PCDHGC3: variants seen among roughly 807,000 people sequenced by gnomAD.
PCDHGC3 encodes the protein protocadherin gamma-C3.
Under a neutral mutation model 59.2 loss-of-function variants are expected in PCDHGC3, and 26 were observed. The ratio of observed to expected loss-of-function variants is 0.44; its 90% CI spans 0.32 to 0.61. The LOEUF (loss-of-function observed/expected upper bound fraction) is 0.61. PCDHGC3 is among the 20% of genes least tolerant of loss of function. PCDHGC3 has a pLI of 0.05. For missense variants in PCDHGC3, 1,080 were observed against 1,221.8 expected (o/e 0.88, Z 1.73); for synonymous variants, 487 against 519.7 (o/e 0.94, Z 0.86).
intron 1 of PCDHGC3, among the ~76,000 whole-genome samples, chr5:141,484,597 A>C (rs1345278081): frequency 1.3e-5 from 2 of 152,070 alleles, no homozygotes; most frequent in African/African-American, 4.8e-5. Flanking sequence ...CTCATTTAGA[A>C]TACTGGTTGA....
intron 3 of PCDHGC3, among the ~76,000 whole-genome samples, chr5:141,508,954 C>A (rs2154594435): frequency 6.6e-6 from 1 of 152,170 alleles, no homozygotes; most frequent in Admixed American, 6.5e-5. Context: ...AGAGAAATGT[C>A]AGCGGAATGA....
Position 141,476,974 on chromosome 5 carries a change from C to G in PCDHGC3, c.858C>G (p.His286Gln). 1 of 1,614,268 alleles carries G rather than the reference C, an allele frequency of 6.2e-7. No homozygotes were observed. The highest frequency in any genetic ancestry group is 1.3e-5 in the African/African-American group (1 of 75,080). Residue 286 changes from histidine to glutamine, a missense_variant, in exon 1 of 4, where the codon CAC (histidine) becomes CAG (glutamine). By Grantham distance (24) the His-to-Gln change is conservative. Coordinates refer to ENST00000308177, the MANE Select transcript of PCDHGC3 (RefSeq NM_002588.4). This position sits in a 1 kb window ranked among gnomAD's most constrained non-coding sequence, Gnocchi z 7.6. ...NGEIIYSFGS[H>Q]NRAGVRQLFA... ...AAATTATTTACTCCTTCGGCAGCCA[C>G]AACCGCGCCGGCGTGCGGCAACTAT...
At chr5:141,502,953 C>G (rs145774277) in intron 2 of PCDHGC3, among the ~76,000 whole-genome samples, 1,594 of 147,762 alleles carry the variant, frequency 0.011, 24 homozygotes, top group African/African-American at 0.037. Context: ...AAGCGATTCT[C>G]CTGCCTCAGC....
chr5:141,504,550 G>A (rs944574179), intron 2 of PCDHGC3, among the ~76,000 whole-genome samples: 2 of 151,586 alleles, frequency 1.3e-5, no homozygotes, highest in Non-Finnish European at 2.9e-5. Context: ...GCAAATGTTG[G>A]GGGACTGGCA....
rs1461280529 is a variant in PCDHGC3 at position 141,478,053 on chromosome 5, T to A, written c.1937T>A (p.Val646Asp). 2 of 1,614,010 alleles carry A rather than the reference T, an allele frequency of 1.2e-6. No homozygotes were observed. Among genetic ancestry groups the A allele is most frequent in the Non-Finnish European group, 1.7e-6 (2 of 1,180,034 alleles). Residue 646 changes from valine (V) to aspartate (D), a missense_variant, in exon 1 of 4, where the codon GTC becomes GAC. By Grantham distance (152) the Val-to-Asp change is radical. Transcript: ENST00000308177. ...GATTCACCCAGGCAGACTCTCACGG[T>A]CTTGATCAAAGACAATGGGGAGCCT... ...DTDSPRQTLT[V>D]LIKDNGEPSL...
In PCDHGC3 at chr5:141,490,959, C is replaced by T. The variant is rs1385897960; in HGVS notation, c.2431-3848C>T. ...TGCACCCACGGCCAGACTGGGAACA[C>T]TCAGCCCCCCAGCGTCTCCCTCGCT... On this transcript the variant is annotated intron_variant, in intron 1 of 3. Transcript: ENST00000308177. The surrounding 1 kb of genome is among the most constrained non-coding windows in gnomAD (Gnocchi z 5.4). 6.2e-7 allele frequency: 1 copy of T among 1,613,844 alleles called. No individual in the cohort carries two copies. Among genetic ancestry groups the T allele is most frequent in the South Asian group, 1.1e-5 (1 of 91,038 alleles).
At chr5:141,504,450 T>C (rs931613781) in intron 2 of PCDHGC3, among the ~76,000 whole-genome samples, 1 of 151,918 alleles carries the variant, frequency 6.6e-6, no homozygotes, top group Non-Finnish European at 1.5e-5. Context: ...ACTAGTGCCA[T>C]GTGGGGCAGC....
intron 3 of PCDHGC3, 85 bp from the exon 4 acceptor site, chr5:141,510,862 C>A: frequency 6.2e-7 from 1 of 1,606,772 alleles, no homozygotes. Context: ...GCTGTATAGG[C>A]ATTCATTAAC....
rs1259021130 is a variant in PCDHGC3 at position 141,485,083 on chromosome 5, G to C, written c.2430+6537G>C. ...GCGCCAGAGCTGGCGCGGGGAAAGG[G>C]AGATAGGTGTCTCCAGCTGCTGTGG... On this transcript the variant is annotated intron_variant, in intron 1 of 3. Coordinates refer to ENST00000308177, the MANE Select transcript of PCDHGC3 (RefSeq NM_002588.4). The surrounding 1 kb of genome is among the most constrained non-coding windows in gnomAD (Gnocchi z 5.7). The C allele has an allele frequency of 1.0e-6, 1 of 989,386 alleles. No homozygotes were observed. The highest frequency in any genetic ancestry group is 1.6e-5 in the African/African-American group (1 of 61,992). 61.3% of individuals were successfully genotyped at this position (989,386 alleles called of 1,614,324 possible).
Position 141,490,102 on chromosome 5 carries a change from G to A in PCDHGC3, c.2431-4705G>A, listed in dbSNP as rs377649214. On this transcript the variant is annotated intron_variant, in intron 1 of 3. Coordinates refer to ENST00000308177, the MANE Select transcript of PCDHGC3 (RefSeq NM_002588.4). The surrounding 1 kb of genome is among the most constrained non-coding windows in gnomAD (Gnocchi z 5.4). ...TTCTTTTGGAGACCACACATCTGAG[G>A]CAGTGCGGAACCTCTTTGGCCTAGA... 4.3e-6 allele frequency: 7 copies of A among 1,614,144 alleles called. No homozygotes were observed. The African/African-American group carries it at 9.3e-5, about 22-fold the overall frequency.
At position 141,505,908 on chromosome 5, in the gene PCDHGC3, T is replaced by C. The variant is rs114551975; in HGVS notation, c.2578+427T>C. On this transcript the variant is annotated intron_variant, in intron 3 of 3. Coordinates refer to ENST00000308177, the MANE Select transcript of PCDHGC3 (RefSeq NM_002588.4). ...TTAAATGAGATGATACCACAAAGCATAGAGTTCTGGGCCTGGCGCTTGGAA... is the reference window on the plus strand; with the variant it reads ...TTAAATGAGATGATACCACAAAGCACAGAGTTCTGGGCCTGGCGCTTGGAA... 4.0e-3 allele frequency among the ~76,000 whole-genome samples: 608 copies of C among 152,218 alleles called. 3 individuals are homozygous for C. The highest frequency in any genetic ancestry group is 0.013 in the African/African-American group (551 of 41,540).
rs751024373 is a variant in PCDHGC3, at chr5:141,491,801, G to T, written c.2431-3006G>T. 1 of 1,500,844 alleles carries T rather than the reference G, an allele frequency of 6.7e-7. No homozygotes were observed. Among genetic ancestry groups the T allele is most frequent in the Non-Finnish European group, 8.9e-7 (1 of 1,125,292 alleles). 93.0% of individuals were successfully genotyped at this position (1,500,844 alleles called of 1,614,324 possible). ...AACTTGCATCCACTCCTCTCCGGCCGGCTTGGTCGCTGGCTGCGCTCCACC... is the reference window on the plus strand; with the variant it reads ...AACTTGCATCCACTCCTCTCCGGCCTGCTTGGTCGCTGGCTGCGCTCCACC... On this transcript the variant is annotated intron_variant, in intron 1 of 3. Transcript: ENST00000308177. This position sits in a 1 kb window ranked among gnomAD's most constrained non-coding sequence, Gnocchi z 6.9.
Position 141,485,152 on chromosome 5 carries a change from A to C in PCDHGC3, c.2430+6606A>C. ...CTTCATCCGCGTCTCAGGAGCAAGT[A>C]GAGAATTAGCGGGCGGCAGCAATGC... On this transcript the variant is annotated intron_variant, in intron 1 of 3. Coordinates refer to ENST00000308177, the MANE Select transcript of PCDHGC3 (RefSeq NM_002588.4). The surrounding 1 kb of genome is among the most constrained non-coding windows in gnomAD (Gnocchi z 5.7). 8.8e-6 allele frequency: 14 copies of C among 1,586,038 alleles called. No individual in the cohort carries two copies. The highest frequency in any genetic ancestry group is 1.0e-5 in the Non-Finnish European group (12 of 1,157,128).
chr5:141,487,831 A>T lies in PCDHGC3; in HGVS notation c.2431-6976A>T. 2 of 1,144,322 alleles carry T rather than the reference A, an allele frequency of 1.7e-6. No individual in the cohort carries two copies. Among genetic ancestry groups the T allele is most frequent in the Non-Finnish European group, 2.4e-6 (2 of 818,294 alleles). 70.9% of individuals were successfully genotyped at this position (1,144,322 alleles called of 1,614,324 possible). ...TTAGCATTGGGGGCGGGTCATGCCT[A>T]TATCTGAGTAAGAAATGAAAGTAAT... On this transcript the variant is annotated intron_variant, in intron 1 of 3. Transcript: ENST00000308177. The surrounding 1 kb of genome is among the most constrained non-coding windows in gnomAD (Gnocchi z 5.0).
intron 1 of PCDHGC3, among the ~76,000 whole-genome samples, chr5:141,483,310 A>G (rs2099579870): frequency 6.6e-6 from 1 of 152,156 alleles, no homozygotes; most frequent in African/African-American, 2.4e-5. Context: ...GACTGGGGAC[A>G]TTGGGACTGG....
rs1224515106 is a variant in PCDHGC3 at position 141,491,453 on chromosome 5, C to T, written c.2431-3354C>T. On this transcript the variant is annotated intron_variant, in intron 1 of 3. Transcript: ENST00000308177. The surrounding 1 kb of genome is among the most constrained non-coding windows in gnomAD (Gnocchi z 6.9). ...TGCTGCAGGCGCCAGGACTCACCCT[C>T]CCCGGACTTCTATAAGCAGTCCAGC... The T allele has an allele frequency of 6.2e-6, 10 of 1,614,120 alleles. No homozygotes were observed. The highest frequency in any genetic ancestry group is 8.5e-6 in the Non-Finnish European group (10 of 1,180,028).
chr5:141,478,657 G>A, intron 1 of PCDHGC3, 111 bp downstream of exon 1: 2 of 1,551,912 alleles, frequency 1.3e-6, no homozygotes, highest in Non-Finnish European at 1.7e-6. Flanking sequence ...TCCTGGTGAT[G>A]CATTCACACT....
chr5:141,493,908 G>A lies in PCDHGC3; in HGVS notation c.2431-899G>A, dbSNP rs1308946115. ...CTAGGAGTGCTCCATGAGAGTGTGT[G>A]ATGGGATAACACACCCCCTGGAAAG... On this transcript the variant is annotated intron_variant, in intron 1 of 3. Transcript: ENST00000308177. This position sits in a 1 kb window ranked among gnomAD's most constrained non-coding sequence, Gnocchi z 4.3. Among the ~76,000 whole-genome samples the A allele has an allele frequency of 6.6e-6, 1 of 152,208 alleles. No homozygotes were observed. The highest frequency in any genetic ancestry group is 1.5e-5 in the Non-Finnish European group (1 of 68,032).
intron 1 of PCDHGC3, 35 bp downstream of exon 1, chr5:141,478,581 T>C: frequency 6.3e-7 from 1 of 1,580,158 alleles, no homozygotes; most frequent in Non-Finnish European, 8.6e-7. Flanking sequence ...ACCCTGTTAG[T>C]GCTTTTTTAT....
Sources: gnomAD v4.1 joint callset for allele counts (sites outside exome capture counted in the v4.1 genomes callset) on GRCh38, gnomAD v4.1.1 for gene constraint, Gnocchi (gnomAD v3.1) non-coding constraint, MANE v1.5 for transcripts, NCBI Gene and HGNC (gene_info 2026-07-23, HGNC 2026-07-21) for gene names.